The following FGF12 variants were observed in gnomAD, a reference collection of about 807,000 sequenced individuals.
FGF12 encodes fibroblast growth factor 12.
Under a neutral mutation model 23.6 loss-of-function variants are expected in FGF12, and 14 were observed. The ratio of observed to expected loss-of-function variants is 0.59; its 90% CI spans 0.39 to 0.93. FGF12 has a LOEUF of 0.93. FGF12 is among the 40% of genes least tolerant of loss of function. FGF12 has a pLI of 0.00. For synonymous variants in FGF12, 62 were observed against 77.3 expected, an observed-to-expected ratio of 0.80 and a Z score of 1.04; for missense variants, 175 against 217.8, an observed-to-expected ratio of 0.80 and a Z score of 1.24.
chr3:192,617,628 A>ATTAAATACAACC (rs1714812142), intron 2 of FGF12, among the ~76,000 whole-genome samples: 1 of 152,126 alleles, frequency 6.6e-6, no homozygotes, highest in South Asian at 2.1e-4. Flanking sequence ...AACCAACCTG[A>ATTAAATACAACC]GGCTCTTATT....
chr3:192,699,790 T>C (rs1024300464), intron 2 of FGF12, among the ~76,000 whole-genome samples: 7 of 152,212 alleles, frequency 4.6e-5, no homozygotes, highest in African/African-American at 1.7e-4. Context: ...GATGTAAGGC[T>C]TGATGCAAGA....
chr3:192,167,718 G>A (rs1221460486), intron 5 of FGF12, among the ~76,000 whole-genome samples: 4 of 107,192 alleles, frequency 3.7e-5, no homozygotes, highest in African/African-American at 1.6e-4. Flanking sequence ...AAAATTAGGA[G>A]GGTAGGTTAT....
chr3:192,535,184 T>C (rs1560142765), intron 2 of FGF12, among the ~76,000 whole-genome samples: 2 of 152,312 alleles, frequency 1.3e-5, no homozygotes, highest in African/African-American at 4.8e-5. Flanking sequence ...AAATCAACTA[T>C]AATAAGCTAA....
intron 4 of FGF12, among the ~76,000 whole-genome samples, chr3:192,199,368 G>A (rs1459019939): frequency 2.0e-5 from 3 of 152,180 alleles, no homozygotes; most frequent in Non-Finnish European, 4.4e-5. Context: ...AGCATTTCAT[G>A]TAAGACATAC....
In FGF12 at chr3:192,570,475, T is replaced by A. The variant is rs561272146; in HGVS notation, c.13+156706A>T. Among the ~76,000 whole-genome samples the A allele has an allele frequency of 8.5e-5, 13 of 152,248 alleles. No individual in the cohort carries two copies. The South Asian group carries it at 2.5e-3, about 29-fold the overall frequency. ...GCACAAACACTATAAAAGATAAAGG[T>A]TTATGATGTGTCTGGAGGTGGGGAT... On this transcript the variant is annotated intron_variant, in intron 2 of 5. Coordinates refer to ENST00000445105, the MANE Select transcript of FGF12 (RefSeq NM_004113.6).
intron 4 of FGF12, among the ~76,000 whole-genome samples, chr3:192,267,680 G>T (rs778455380): frequency 2.6e-4 from 40 of 152,176 alleles, no homozygotes; most frequent in South Asian, 8.3e-4. Context: ...ATAAACATTT[G>T]ATTAAAACCA....
At chr3:192,622,736 A>G (rs1161760502) in intron 2 of FGF12, among the ~76,000 whole-genome samples, 1 of 152,178 alleles carries the variant, frequency 6.6e-6, no homozygotes, top group African/African-American at 2.4e-5. Flanking sequence ...CCACAAATAA[A>G]CAGATTTCTC....
In FGF12 at chr3:192,314,706, T is replaced by C. The variant is rs75144052; in HGVS notation, c.228+20655A>G. Among the ~76,000 whole-genome samples, 200 of 152,332 alleles carry C rather than the reference T, an allele frequency of 1.3e-3. 1 individual carries two copies. The highest frequency in any genetic ancestry group is 4.5e-3 in the African/African-American group (188 of 41,574). On this transcript the variant is annotated intron_variant, in intron 4 of 5. Coordinates refer to ENST00000445105, the MANE Select transcript of FGF12 (RefSeq NM_004113.6). The stretch of plus-strand genomic sequence containing the variant: ...CCTCACAGCTAGACTCAATTCCTCA[T>C]TGATACAGGAAAGTAAACATAAGAA...
At chr3:192,368,152 C>G (rs1297912894) in intron 2 of FGF12, among the ~76,000 whole-genome samples, 1 of 152,056 alleles carries the variant, frequency 6.6e-6, no homozygotes, top group African/African-American at 2.4e-5. Flanking sequence ...ACCAGACTTT[C>G]ATGGGATGAT....
chr3:192,490,467 A>G (rs1034638176), intron 2 of FGF12, among the ~76,000 whole-genome samples: 2 of 152,148 alleles, frequency 1.3e-5, no homozygotes, highest in Admixed American at 6.6e-5. Flanking sequence ...ATATAAACAT[A>G]TAAGTGTGTA....
At chr3:192,536,985 A>C (rs1435774445) in intron 2 of FGF12, among the ~76,000 whole-genome samples, 3 of 152,004 alleles carry the variant, frequency 2.0e-5, no homozygotes, top group Non-Finnish European at 4.4e-5. Flanking sequence ...CCATCATTCT[A>C]CTGTCTATCC....
chr3:192,168,574 T>A (rs9871845), intron 5 of FGF12, among the ~76,000 whole-genome samples: 74,182 of 152,092 alleles, frequency 0.49, 19,612 homozygotes, highest in Non-Finnish European at 0.6. Context: ...ACATTTTACT[T>A]TTGCTCTGAG....
At chr3:192,337,456 C>T (rs1717474935) in intron 3 of FGF12, among the ~76,000 whole-genome samples, 1 of 152,082 alleles carries the variant, frequency 6.6e-6, no homozygotes, top group African/African-American at 2.4e-5. Flanking sequence ...TGAGAAAGAA[C>T]AGCATGTAAA....
Position 192,488,868 on chromosome 3 carries a change from A to G in FGF12, c.14-128330T>C, listed in dbSNP as rs1478444474. On this transcript the variant is annotated intron_variant, in intron 2 of 5. Transcript: ENST00000445105. ...GAATCAATGTGCTATCTTTCTGTGC[A>G]CTAACTCAACTGATTTCATGACAAA... Among the ~76,000 whole-genome samples the G allele has an allele frequency of 2.0e-5, 3 of 152,234 alleles. No individual in the cohort carries two copies. In the East Asian group the frequency reaches 5.8e-4, roughly 29 times the overall value.
intron 2 of FGF12, among the ~76,000 whole-genome samples, chr3:192,621,329 T>TAATTACCCA (rs1714967632): frequency 6.6e-6 from 1 of 152,198 alleles, no homozygotes; most frequent in Non-Finnish European, 1.5e-5. Flanking sequence ...GGGTAAAAGT[T>TAATTACCCA]ACTGTGTGAA....
intron 2 of FGF12, among the ~76,000 whole-genome samples, chr3:192,406,585 T>C (rs1268641197): frequency 6.6e-6 from 1 of 152,202 alleles, no homozygotes; most frequent in African/African-American, 2.4e-5. Context: ...GAACATGCTA[T>C]ACTAATTGGA....
At chr3:192,442,626 A>G (rs1722232651) in intron 2 of FGF12, among the ~76,000 whole-genome samples, 1 of 152,216 alleles carries the variant, frequency 6.6e-6, no homozygotes, top group South Asian at 2.1e-4. Flanking sequence ...TGTGAATATC[A>G]TCACACTGGT....
chr3:192,518,016 G>C (rs1724722612), intron 2 of FGF12, among the ~76,000 whole-genome samples: 1 of 152,112 alleles, frequency 6.6e-6, no homozygotes, highest in Non-Finnish European at 1.5e-5. Flanking sequence ...AGAAAGTGAT[G>C]TATTTTAGTT....
chr3:192,414,542 A>G (rs1219338411), intron 2 of FGF12, among the ~76,000 whole-genome samples: 2 of 152,232 alleles, frequency 1.3e-5, no homozygotes, highest in Non-Finnish European at 2.9e-5. Context: ...CTAATTACAA[A>G]TCATCTTCTC....
Sources: allele counts gnomAD v4.1 joint callset (sites outside exome capture counted in the v4.1 genomes callset), GRCh38; gene constraint gnomAD v4.1.1; transcripts MANE v1.5; gene names NCBI Gene and HGNC (gene_info 2026-07-23, HGNC 2026-07-21).